NAA35: variants seen among roughly 807,000 people sequenced by gnomAD.
The protein encoded by NAA35 is N-alpha-acetyltransferase 35, NatC auxiliary subunit.
A neutral mutation model predicts 101.7 loss-of-function variants in NAA35; 18 were observed. The ratio of observed to expected loss-of-function variants is 0.18; its 90% CI spans 0.12 to 0.26. The LOEUF (loss-of-function observed/expected upper bound fraction) is 0.26, where lower values mean the gene tolerates loss of function less well. Ranked by LOEUF, NAA35 falls within the 10% of genes least tolerant of loss-of-function variation. NAA35 has a pLI of 1.00. For synonymous variants in NAA35, 267 were observed against 273.1 expected (o/e 0.98, Z 0.22); for missense variants, 601 against 886.8 (o/e 0.68, Z 4.09).
At position 85,941,256 on chromosome 9, in the gene NAA35, T is replaced by G; in HGVS notation, c.-23T>G. 1.0e-6 allele frequency: 1 copy of G among 985,594 alleles called. No homozygotes were observed. Among genetic ancestry groups the G allele is most frequent in the South Asian group, 4.7e-5 (1 of 21,396 alleles). 61.1% of individuals were successfully genotyped at this position (985,594 alleles called of 1,614,324 possible). On this transcript the variant is annotated 5_prime_UTR_variant, in exon 1 of 23. Coordinates refer to ENST00000361671, the MANE Select transcript of NAA35 (RefSeq NM_024635.4). ...TCCGGACAGTGCGTGGCGGCGCGGGTGACCACGGGAGAAGTAGGTAGGGAC... is the reference window on the plus strand; with the variant it reads ...TCCGGACAGTGCGTGGCGGCGCGGGGGACCACGGGAGAAGTAGGTAGGGAC...
At position 86,021,976 on chromosome 9, in the gene NAA35, T is replaced by TG; in HGVS notation, c.*18dup. 1 of 1,610,028 alleles carries TG rather than the reference T, an allele frequency of 6.2e-7. No homozygotes were observed. The highest frequency in any genetic ancestry group is 1.7e-5 in the Admixed American group (1 of 59,870). Reference sequence around the variant, plus strand: ...ACTTGTTTGAGAGAGACTGGGGAGGTGGCCATAAAGGGGCAGAGTCTTCTT... The same window carrying TG: ...ACTTGTTTGAGAGAGACTGGGGAGGTGGGCCATAAAGGGGCAGAGTCTTCTT... On this transcript the variant is annotated 3_prime_UTR_variant, in exon 23 of 23. Transcript: ENST00000361671.
chr9:86,011,888 TTA>T (rs917903658), intron 15 of NAA35, among the ~76,000 whole-genome samples: 5 of 140,754 alleles, frequency 3.6e-5, no homozygotes, highest in East Asian at 3.9e-4. Context: ...TAAATATATA[TTA>T]TATGATATAT....
chr9:85,951,422 A>G (rs1829015466), intron 2 of NAA35, among the ~76,000 whole-genome samples: 1 of 152,148 alleles, frequency 6.6e-6, no homozygotes, highest in Non-Finnish European at 1.5e-5. Flanking sequence ...ATAATTTTGG[A>G]TATTCCTCTT....
At chr9:85,986,520 T>C (rs1049820765) in intron 11 of NAA35, 3 of 459,606 alleles carry the variant, frequency 6.5e-6, no homozygotes, top group African/African-American at 6.0e-5. Context: ...AGATAATGTG[T>C]AAAACTGAAA....
chr9:85,958,592 T>TAC lies in NAA35; in HGVS notation c.273+7_273+8dup, dbSNP rs1485580573. 3.8e-6 allele frequency: 6 copies of TAC among 1,565,572 alleles called. No homozygotes were observed. The South Asian group carries it at 7.0e-5, about 18-fold the overall frequency. Reference sequence around the variant, plus strand: ...ATTTTGAACAAGCTATCAAGGTAGTTACCATTGTACTTTTTGTGTTTCCAT... The same window carrying TAC: ...ATTTTGAACAAGCTATCAAGGTAGTTACACCATTGTACTTTTTGTGTTTCCAT... On this transcript the variant is annotated splice_region_variant and intron_variant, in intron 4 of 22. Coordinates refer to ENST00000361671, the MANE Select transcript of NAA35 (RefSeq NM_024635.4).
At chr9:86,013,594 G>GT (rs1832061542) in intron 16 of NAA35, 125 bp from the exon 17 acceptor site, 1 of 842,174 alleles carries the variant, frequency 1.2e-6, no homozygotes, top group Non-Finnish European at 1.8e-6. Flanking sequence ...ATTTAAAAAT[G>GT]TTTCTTTGGG....
intron 11 of NAA35, among the ~76,000 whole-genome samples, chr9:85,980,954 T>A (rs1444022026): frequency 6.6e-6 from 1 of 152,278 alleles, no homozygotes; most frequent in Non-Finnish European, 1.5e-5. Context: ...GATCGACACC[T>A]CATTCCTTTT....
intron 11 of NAA35, among the ~76,000 whole-genome samples, chr9:85,992,783 A>C (rs1251984753): frequency 6.6e-6 from 1 of 152,218 alleles, no homozygotes; most frequent in African/African-American, 2.4e-5. Context: ...GTGAAACTTG[A>C]ATGAAGTGTG....
chr9:85,988,797 G>GA (rs199724146), intron 11 of NAA35, among the ~76,000 whole-genome samples: 1,525 of 137,742 alleles, frequency 0.011, 19 homozygotes, highest in African/African-American at 0.032. Context: ...ACTCCGTCTC[G>GA]AAAAAAAAAA....
intron 6 of NAA35, among the ~76,000 whole-genome samples, chr9:85,973,281 C>G (rs759071045): frequency 1.3e-5 from 2 of 152,112 alleles, no homozygotes; most frequent in Admixed American, 6.5e-5. Context: ...AGGGATTTTG[C>G]TATGAGGTAG....
chr9:85,987,791 A>G (rs572490600), intron 11 of NAA35, among the ~76,000 whole-genome samples: 1 of 152,372 alleles, frequency 6.6e-6, no homozygotes, highest in East Asian at 1.9e-4. Flanking sequence ...AACATTGAGA[A>G]TGGATAGATT....
intron 22 of NAA35, among the ~76,000 whole-genome samples, chr9:86,021,270 G>A (rs1439416091): frequency 6.6e-6 from 1 of 152,156 alleles, no homozygotes; most frequent in Non-Finnish European, 1.5e-5. Context: ...GAAGTATGAG[G>A]TATTTAAAAG....
At chr9:85,955,358 A>ATT (rs1236843940) in intron 2 of NAA35, among the ~76,000 whole-genome samples, 653 of 47,514 alleles carry the variant, frequency 0.014, 2 homozygotes, top group Non-Finnish European at 0.019. Flanking sequence ...ATATATATAT[A>ATT]TATTTTTTTT....
At chr9:86,006,233 A>G (rs892424945) in intron 13 of NAA35, among the ~76,000 whole-genome samples, 1 of 152,164 alleles carries the variant, frequency 6.6e-6, no homozygotes, top group Non-Finnish European at 1.5e-5. Flanking sequence ...TAGGAATGTA[A>G]TGTGGTTCAG....
chr9:85,974,349 A>T (rs1018600894), intron 6 of NAA35, among the ~76,000 whole-genome samples: 7 of 152,174 alleles, frequency 4.6e-5, no homozygotes, highest in Non-Finnish European at 8.8e-5. Flanking sequence ...AGATGACAGT[A>T]AATGTATTTT....
Position 86,004,570 on chromosome 9 carries a change from A to T in NAA35, c.1116+926A>T, listed in dbSNP as rs187175341. On this transcript the variant is annotated intron_variant, in intron 13 of 22. Coordinates refer to ENST00000361671, the MANE Select transcript of NAA35 (RefSeq NM_024635.4). Reference sequence around the variant, plus strand: ...TTAAAACAAACAGAAGGAAATAATGAGCAGAAATTAGTAAAATATAGAACA... The same window carrying T: ...TTAAAACAAACAGAAGGAAATAATGTGCAGAAATTAGTAAAATATAGAACA... Among the ~76,000 whole-genome samples the T allele has an allele frequency of 1.3e-3, 191 of 152,368 alleles. 4 individuals are homozygous for T. In the South Asian group the frequency reaches 0.033, roughly 27 times the overall value.
intron 1 of NAA35, 166 bp from the exon 2 acceptor site, chr9:85,941,989 A>G: frequency 1.1e-5 from 14 of 1,237,646 alleles, no homozygotes; most frequent in Non-Finnish European, 1.5e-5. Context: ...GTGCGATTTG[A>G]TTGCATTAAG....
chr9:86,007,974 A>G (rs115645213), intron 14 of NAA35, among the ~76,000 whole-genome samples: 3,058 of 152,326 alleles, frequency 0.02, 57 homozygotes, highest in Middle Eastern at 0.051. Flanking sequence ...CTAATTAATT[A>G]TATGTAATGG....
intron 22 of NAA35, among the ~76,000 whole-genome samples, chr9:86,021,596 A>G (rs758468263): frequency 6.6e-6 from 1 of 151,996 alleles, no homozygotes; most frequent in Non-Finnish European, 1.5e-5. Context: ...AAGTGTGCTG[A>G]CCCCTGATCT....
Sources: allele counts gnomAD v4.1 joint callset (sites outside exome capture counted in the v4.1 genomes callset), GRCh38; gene constraint gnomAD v4.1.1; transcripts MANE v1.5; gene names NCBI Gene and HGNC (gene_info 2026-07-23, HGNC 2026-07-21).